Variants in ANKRD17 observed in about 807,000 individuals in gnomAD.
ANKRD17 encodes ankyrin repeat domain-containing protein 17.
Under a neutral mutation model 229.7 loss-of-function variants are expected in ANKRD17, and 19 were observed. That is an observed-to-expected ratio of 0.08 (90% CI 0.06 to 0.12). The LOEUF is 0.12. Ranked by LOEUF, ANKRD17 falls within the 10% of genes least tolerant of loss-of-function variation. The probability of loss-of-function intolerance (pLI) is 1.00; values close to 1 mark genes in which losing one functional copy is unlikely to be tolerated. For missense variants in ANKRD17, 2,176 were observed against 3,176.8 expected (o/e 0.68, Z 7.57); for synonymous variants, 1,112 against 1,146.1 (o/e 0.97, Z 0.60).
intron 1 of ANKRD17, among the ~76,000 whole-genome samples, chr4:73,192,889 T>C (rs1737323534): frequency 1.3e-5 from 2 of 152,198 alleles, no homozygotes; most frequent in Non-Finnish European, 1.5e-5. Context: ...GAACATATTA[T>C]GTTCTCTTCT....
chr4:73,159,450 G>C (rs1732206382), intron 3 of ANKRD17, among the ~76,000 whole-genome samples: 1 of 152,114 alleles, frequency 6.6e-6, no homozygotes, highest in Non-Finnish European at 1.5e-5. Flanking sequence ...AGAACTTGTG[G>C]GCGAAGGGCA....
chr4:73,134,509 G>T (rs1485721472), intron 16 of ANKRD17, among the ~76,000 whole-genome samples: 1 of 151,996 alleles, frequency 6.6e-6, no homozygotes, highest in Non-Finnish European at 1.5e-5. Flanking sequence ...AGATTTCATG[G>T]TCAACTACTT....
At chr4:73,188,969 G>A (rs1198909650) in intron 1 of ANKRD17, among the ~76,000 whole-genome samples, 1 of 152,140 alleles carries the variant, frequency 6.6e-6, no homozygotes, top group African/African-American at 2.4e-5. Flanking sequence ...ATTAACTCAA[G>A]AAATGGTAGA....
chr4:73,144,852 A>G lies in ANKRD17; in HGVS notation c.1870-20T>C. The G allele has an allele frequency of 2.6e-6, 4 of 1,521,004 alleles. No homozygotes were observed. Among genetic ancestry groups the G allele is most frequent in the Non-Finnish European group, 1.8e-6 (2 of 1,123,590 alleles). 94.2% of individuals were successfully genotyped at this position (1,521,004 alleles called of 1,614,324 possible). On this transcript the variant is annotated intron_variant, in intron 10 of 33. Transcript: ENST00000358602. ...ATGTTCCTGTTTAAAAAAAAAAAAA[A>G]AGACTTGACATTTAATTGCCAGTGA...
Position 73,077,494 on chromosome 4 carries a change from A to G in ANKRD17, c.7448T>C (p.Met2483Thr). 6.2e-7 allele frequency: 1 copy of G among 1,612,466 alleles called. No individual in the cohort carries two copies. The highest frequency in any genetic ancestry group is 1.3e-5 in the African/African-American group (1 of 74,998). ...DWCNPGMGNP[M>T]IHRPMSDPGV... ...TGGGTCAGACATCGGTCTGTGGATC[A>G]TAGGATTTCCCATCCCAGGGTTACA... The change falls in exon 32 of 34, where the codon ATG becomes ACG. Residue 2483 changes from methionine to threonine, a missense_variant. Coordinates refer to ENST00000358602, the MANE Select transcript of ANKRD17 (RefSeq NM_032217.5).
Position 73,074,116 on chromosome 4 carries a change from A to C in ANKRD17, c.*2115T>G, listed in dbSNP as rs1306684943. The C allele has an allele frequency of 6.6e-6, 1 of 152,034 alleles. No homozygotes were observed. The highest frequency in any genetic ancestry group is 1.5e-5 in the Non-Finnish European group (1 of 67,892). The allele number at this position is 152,034 out of a possible 1,614,324, so 9.4% of individuals were successfully genotyped here. On this transcript the variant is annotated 3_prime_UTR_variant, in exon 34 of 34. Transcript: ENST00000358602. ...AAACAAGCCTGATCCCCAAGACTAA[A>C]TACGGAGCATTTCAATCTATATCCC...
At chr4:73,188,313 A>G (rs1736566467) in intron 1 of ANKRD17, among the ~76,000 whole-genome samples, 1 of 152,164 alleles carries the variant, frequency 6.6e-6, no homozygotes, top group Non-Finnish European at 1.5e-5. Context: ...TAGGCCAGGT[A>G]TGGTGGCTCA....
Position 73,090,827 on chromosome 4 carries a change from G to C in ANKRD17, c.6801C>G (p.Ala2267=). ...ATGAAACAACAGATCCTCCCCAGAA[G>C]GCATGAGCAGAAGTAGGGCTGTTTT... ...LFENSPTSAH[A]FWGGSVVSSQ... Residue 2267 remains alanine (A), a synonymous_variant, in exon 29 of 34, where the codon GCC becomes GCG. Transcript: ENST00000358602. 1 of 1,614,206 alleles carries C rather than the reference G, an allele frequency of 6.2e-7. No homozygotes were observed. Among genetic ancestry groups the C allele is most frequent in the Admixed American group, 1.7e-5 (1 of 60,024 alleles).
At chr4:73,099,325 G>A (rs987937684) in intron 25 of ANKRD17, among the ~76,000 whole-genome samples, 15 of 151,852 alleles carry the variant, frequency 9.9e-5, no homozygotes, top group African/African-American at 3.6e-4. Flanking sequence ...ACCAGCCACT[G>A]CAGGGGCCCC....
chr4:73,186,751 T>C (rs544833864), intron 1 of ANKRD17, among the ~76,000 whole-genome samples: 4 of 152,200 alleles, frequency 2.6e-5, no homozygotes, highest in Non-Finnish European at 4.4e-5. Flanking sequence ...CAAAGTTCTA[T>C]GGAATTCTCA....
intron 2 of ANKRD17, among the ~76,000 whole-genome samples, chr4:73,168,071 T>A (rs1008905230): frequency 6.6e-6 from 1 of 151,622 alleles, no homozygotes; most frequent in African/African-American, 2.4e-5. Flanking sequence ...GAGAATGCCA[T>A]GAACCCGGGA....
At chr4:73,254,817 C>A (rs1369230518) in intron 1 of ANKRD17, among the ~76,000 whole-genome samples, 2 of 151,134 alleles carry the variant, frequency 1.3e-5, no homozygotes, top group Non-Finnish European at 2.9e-5. Flanking sequence ...CAGTCATATT[C>A]AAAAATGCAT....
At chr4:73,217,189 T>C (rs183225324) in intron 1 of ANKRD17, among the ~76,000 whole-genome samples, 5 of 152,348 alleles carry the variant, frequency 3.3e-5, no homozygotes, top group East Asian at 3.9e-4. Flanking sequence ...TAGTGGTTCA[T>C]TGGACAACCG....
At chr4:73,120,476 T>C (rs1302445285) in intron 20 of ANKRD17, 139 bp from the exon 21 acceptor site, 5 of 740,968 alleles carry the variant, frequency 6.7e-6, no homozygotes, top group East Asian at 5.4e-5. Flanking sequence ...CTGACCCTTA[T>C]TAGCTCCTTT....
intron 20 of ANKRD17, 92 bp from the exon 21 acceptor site, chr4:73,120,429 T>G: frequency 1.7e-6 from 2 of 1,159,750 alleles, no homozygotes; most frequent in Non-Finnish European, 2.4e-6. Flanking sequence ...AGGAATATGA[T>G]ACAGCTGTTA....
At chr4:73,136,299 T>C (rs977936165) in intron 15 of ANKRD17, among the ~76,000 whole-genome samples, 2 of 152,110 alleles carry the variant, frequency 1.3e-5, no homozygotes, top group African/African-American at 4.8e-5. Context: ...ATCAACTACA[T>C]CAGACAGAAA....
At chr4:73,158,156 G>GAA (rs1553925356) in intron 3 of ANKRD17, among the ~76,000 whole-genome samples, 11 of 121,184 alleles carry the variant, frequency 9.1e-5, no homozygotes, top group African/African-American at 5.1e-4. Context: ...GGAAGAAAAA[G>GAA]AAAGAAAGAA....
intron 1 of ANKRD17, among the ~76,000 whole-genome samples, chr4:73,210,097 A>T (rs1197102607): frequency 6.6e-6 from 1 of 152,154 alleles, no homozygotes; most frequent in East Asian, 1.9e-4. Context: ...TTAAGGCAAT[A>T]AGGTAGAATA....
At chr4:73,129,792 T>A (rs1727950814) in intron 16 of ANKRD17, among the ~76,000 whole-genome samples, 1 of 143,670 alleles carries the variant, frequency 7.0e-6, no homozygotes, top group African/African-American at 2.6e-5. Context: ...AGAGAGAGAG[T>A]CTTGCTCTGT....
Sources: allele counts gnomAD v4.1 joint callset (sites outside exome capture counted in the v4.1 genomes callset), GRCh38; gene constraint gnomAD v4.1.1; transcripts MANE v1.5; gene names NCBI Gene and HGNC (gene_info 2026-07-23, HGNC 2026-07-21).